Variants in PTPRG observed in about 807,000 individuals in gnomAD.
PTPRG encodes protein tyrosine phosphatase receptor type G.
PTPRG carries 102 observed loss-of-function variants against 165.3 expected under a neutral mutation model. The ratio of observed to expected loss-of-function variants is 0.62; its 90% CI spans 0.53 to 0.73. PTPRG has a LOEUF of 0.73. Among genes scored for constraint, PTPRG ranks in the 30% least tolerant of loss-of-function variants. The pLI is 0.00. For missense variants in PTPRG, 1,866 were observed against 1,861.4 expected (o/e 1.00, Z -0.05); for synonymous variants, 675 against 669.5 (o/e 1.01, Z -0.13).
chr3:61,923,393 C>CT (rs1305754529), intron 2 of PTPRG, among the ~76,000 whole-genome samples: 1 of 152,060 alleles, frequency 6.6e-6, no homozygotes, highest in Non-Finnish European at 1.5e-5. Context: ...AGCAGACACT[C>CT]TTTTTTTATT....
At chr3:62,157,836 G>A (rs933763420) in intron 7 of PTPRG, among the ~76,000 whole-genome samples, 10 of 152,172 alleles carry the variant, frequency 6.6e-5, no homozygotes, top group African/African-American at 2.4e-4. Flanking sequence ...CATTGATTGA[G>A]TTCTTTCTGT....
chr3:61,926,377 C>G (rs1377112145), intron 2 of PTPRG, among the ~76,000 whole-genome samples: 2 of 151,814 alleles, frequency 1.3e-5, no homozygotes, highest in African/African-American at 2.4e-5. Context: ...TGTAGCACCT[C>G]CCCCTCCTCT....
intron 1 of PTPRG, among the ~76,000 whole-genome samples, chr3:61,586,396 A>G (rs181590398): frequency 2.0e-5 from 3 of 152,362 alleles, no homozygotes; most frequent in East Asian, 3.9e-4. Flanking sequence ...ACTCTCGTGT[A>G]TGAAGATGAT....
chr3:61,693,618 T>C (rs1417008819), intron 1 of PTPRG, among the ~76,000 whole-genome samples: 1 of 152,058 alleles, frequency 6.6e-6, no homozygotes, highest in Admixed American at 6.5e-5. Context: ...AGAATAAAGG[T>C]GCACAAGGTG....
intron 2 of PTPRG, among the ~76,000 whole-genome samples, chr3:61,812,432 A>T (rs944950894): frequency 6.6e-6 from 1 of 152,152 alleles, no homozygotes; most frequent in African/African-American, 2.4e-5. Flanking sequence ...CAAAACGGGT[A>T]TGTACATTTT....
intron 2 of PTPRG, among the ~76,000 whole-genome samples, chr3:61,792,400 G>GT (rs1434876064): frequency 6.6e-6 from 1 of 151,848 alleles, no homozygotes; most frequent in Non-Finnish European, 1.5e-5. Flanking sequence ...ATATTTTTAA[G>GT]TTTTTTGTAG....
chr3:62,125,716 C>T (rs1423593254), intron 5 of PTPRG, among the ~76,000 whole-genome samples: 1 of 148,286 alleles, frequency 6.7e-6, no homozygotes, highest in Non-Finnish European at 1.5e-5. Flanking sequence ...AACGTCATGA[C>T]AATATCTGTG....
intron 28 of PTPRG, among the ~76,000 whole-genome samples, chr3:62,291,245 C>G (rs1026373369): frequency 5.9e-5 from 9 of 152,186 alleles, no homozygotes; most frequent in Middle Eastern, 6.8e-3. Flanking sequence ...CAAGTGTTCT[C>G]GTGCTGGGAA....
rs12488222 is a variant in PTPRG at position 61,591,807 on chromosome 3, G to A, written c.85+29435G>A. 9.5e-3 allele frequency among the ~76,000 whole-genome samples: 1,446 copies of A among 152,276 alleles called. 51 individuals are homozygous for A. Among genetic ancestry groups the A allele is most frequent in the East Asian group, 0.059 (305 of 5,170 alleles). On this transcript the variant is annotated intron_variant, in intron 1 of 29. Transcript: ENST00000474889. Reference sequence around the variant, plus strand: ...GATGGTGACAAGGGCTTTGGAACTGGTAGATAGATACGGTGCGATTCCTGT... The same window carrying A: ...GATGGTGACAAGGGCTTTGGAACTGATAGATAGATACGGTGCGATTCCTGT...
At chr3:61,865,972 T>C (rs2037395308) in intron 2 of PTPRG, among the ~76,000 whole-genome samples, 1 of 152,216 alleles carries the variant, frequency 6.6e-6, no homozygotes, top group Non-Finnish European at 1.5e-5. Flanking sequence ...TGAGACAGGC[T>C]TCCTTTGCCA....
chr3:61,643,311 G>GAGAC (rs754570777), intron 1 of PTPRG, among the ~76,000 whole-genome samples: 1 of 152,088 alleles, frequency 6.6e-6, no homozygotes, highest in Non-Finnish European at 1.5e-5. Flanking sequence ...CAGACAGACA[G>GAGAC]AGACAGACAT....
At chr3:61,866,128 G>A (rs1011373660) in intron 2 of PTPRG, among the ~76,000 whole-genome samples, 3 of 152,192 alleles carry the variant, frequency 2.0e-5, no homozygotes, top group African/African-American at 7.2e-5. Context: ...ATATGGATAA[G>A]TCATGCAGCA....
chr3:62,204,523 A>T (rs1014144864), intron 12 of PTPRG, among the ~76,000 whole-genome samples: 5 of 152,198 alleles, frequency 3.3e-5, no homozygotes, highest in African/African-American at 1.2e-4. Context: ...TGGAAAACTA[A>T]CTAACTGAAG....
chr3:62,267,149 C>A (rs1401077716), intron 17 of PTPRG, among the ~76,000 whole-genome samples: 1 of 151,948 alleles, frequency 6.6e-6, no homozygotes, highest in Non-Finnish European at 1.5e-5. Flanking sequence ...CAAGCAAATA[C>A]CTTTGAACTT....
intron 2 of PTPRG, among the ~76,000 whole-genome samples, chr3:61,968,010 A>C (rs901979285): frequency 2.3e-4 from 35 of 152,126 alleles, no homozygotes; most frequent in African/African-American, 8.2e-4. Context: ...GGGAATATGG[A>C]TGTTAAAATA....
At chr3:62,102,350 C>A (rs573342358) in intron 5 of PTPRG, among the ~76,000 whole-genome samples, 30 of 152,300 alleles carry the variant, frequency 2.0e-4, no homozygotes, top group African/African-American at 6.3e-4. Flanking sequence ...TCTTGGCTCA[C>A]TGCAACCTCC....
chr3:61,959,826 C>G (rs1274767814), intron 2 of PTPRG, among the ~76,000 whole-genome samples: 1 of 152,234 alleles, frequency 6.6e-6, no homozygotes, highest in African/African-American at 2.4e-5. Context: ...TCCTGGACCA[C>G]TAAAGCCCAG....
intron 7 of PTPRG, among the ~76,000 whole-genome samples, chr3:62,167,553 G>A (rs1203945969): frequency 6.6e-6 from 1 of 152,198 alleles, no homozygotes; most frequent in Non-Finnish European, 1.5e-5. Flanking sequence ...TCAGGTCACA[G>A]AGTGGGTAGG....
intron 4 of PTPRG, among the ~76,000 whole-genome samples, chr3:62,065,693 G>T (rs1264346184): frequency 6.6e-6 from 1 of 152,130 alleles, no homozygotes; most frequent in Non-Finnish European, 1.5e-5. Context: ...CCTACCATGT[G>T]CTTAGCTTTG....
Sources: gnomAD v4.1 joint callset for allele counts (sites outside exome capture counted in the v4.1 genomes callset) on GRCh38, gnomAD v4.1.1 for gene constraint, MANE v1.5 for transcripts, NCBI Gene and HGNC (gene_info 2026-07-23, HGNC 2026-07-21) for gene names.